Variants in PROSER2 observed in about 807,000 individuals in gnomAD.
PROSER2 encodes the protein proline and serine rich 2, also known as proline and serine-rich protein 2.
PROSER2 carries 18 observed loss-of-function variants against 14.6 expected under a neutral mutation model. That is an observed-to-expected ratio of 1.23 (90% CI 0.85 to 1.83). The LOEUF is 1.83. Ranked by LOEUF, PROSER2 falls within the 40% of genes most tolerant of loss-of-function variation. The pLI is 0.00. For synonymous variants in PROSER2, 367 were observed against 286.4 expected (o/e 1.28, Z -2.84); for missense variants, 823 against 629.8 (o/e 1.31, Z -3.28).
chr10:11,825,603 G>T lies in PROSER2; in HGVS notation c.-82+2133G>T, dbSNP rs111954495. 5.1e-4 allele frequency among the ~76,000 whole-genome samples: 77 copies of T among 152,324 alleles called. 3 individuals are homozygous for T. Among genetic ancestry groups the T allele is most frequent in the African/African-American group, 1.7e-3 (72 of 41,572 alleles). ...CCAGTGGCATCAACAGCCTCTGTCT[G>T]CGGAACTCACAGTGAAGGTGCCGCT... On this transcript the variant is annotated intron_variant, in intron 1 of 3. Transcript: ENST00000277570.
chr10:11,854,903 CT>C (rs546567112), intron 2 of PROSER2, among the ~76,000 whole-genome samples: 87 of 145,150 alleles, frequency 6.0e-4, no homozygotes, highest in Admixed American at 5.5e-4. Context: ...CTCATCAGGT[CT>C]TTTTTTTTTT....
In PROSER2 at chr10:11,838,167, A is replaced by G. The variant is rs1203265270; in HGVS notation, c.-81-13830A>G. On this transcript the variant is annotated intron_variant, in intron 1 of 3. Coordinates refer to ENST00000277570, the MANE Select transcript of PROSER2 (RefSeq NM_153256.4). This position sits in a 1 kb window ranked among gnomAD's most constrained non-coding sequence, Gnocchi z 4.4. ...AGTGAGGCGGGCGGGTGTCTATTTT[A>G]GAACAATCAGGTCATGCCCCCGACA... is the stretch of plus-strand genomic sequence containing the variant. 6.6e-6 allele frequency among the ~76,000 whole-genome samples: 1 copy of G among 152,072 alleles called. No individual in the cohort carries two copies. Among genetic ancestry groups the G allele is most frequent in the Non-Finnish European group, 1.5e-5 (1 of 68,004 alleles).
intron 1 of PROSER2, chr10:11,850,879 G>C (rs1364376324): frequency 6.6e-6 from 1 of 152,220 alleles, no homozygotes; most frequent in Non-Finnish European, 1.5e-5. Flanking sequence ...AGGCTTTGTT[G>C]AACTGTCTAA....
intron 1 of PROSER2, among the ~76,000 whole-genome samples, chr10:11,826,893 T>G: frequency 7.6e-6 from 1 of 130,930 alleles, no homozygotes; most frequent in Non-Finnish European, 1.7e-5. Flanking sequence ...TTTTTTTTTT[T>G]TTTTCCTCTG....
intron 1 of PROSER2, among the ~76,000 whole-genome samples, chr10:11,846,716 C>T (rs1388851621): frequency 1.3e-5 from 2 of 152,192 alleles, no homozygotes; most frequent in African/African-American, 4.8e-5. Flanking sequence ...GTCTGTCTAA[C>T]TGCCAGAGAG....
chr10:11,851,834 G>A, intron 1 of PROSER2, 163 bp from the exon 2 acceptor site: 1 of 353,316 alleles, frequency 2.8e-6, no homozygotes, highest in Non-Finnish European at 5.1e-6. Context: ...AGGAGACATG[G>A]CAGTCAGCAT....
intron 1 of PROSER2, 144 bp from the exon 2 acceptor site, chr10:11,851,853 T>C (rs7079574): frequency 0.99 from 378,175 of 383,926 alleles, 186,431 homozygotes; most frequent in East Asian, 1. Flanking sequence ...ATCCTCAAAC[T>C]GGTTGACTTA....
chr10:11,846,312 C>G (rs1379015529), intron 1 of PROSER2, among the ~76,000 whole-genome samples: 1 of 152,122 alleles, frequency 6.6e-6, no homozygotes, highest in Non-Finnish European at 1.5e-5. Context: ...GCCACATCAG[C>G]TCTCCTCCCC....
At chr10:11,827,288 C>T (rs1833628717) in intron 1 of PROSER2, among the ~76,000 whole-genome samples, 1 of 152,102 alleles carries the variant, frequency 6.6e-6, no homozygotes, top group African/African-American at 2.4e-5. Context: ...CGTTGCTGGA[C>T]ATCTCTTCAG....
chr10:11,832,216 T>G (rs903558955), intron 1 of PROSER2, among the ~76,000 whole-genome samples: 2 of 152,170 alleles, frequency 1.3e-5, no homozygotes, highest in Non-Finnish European at 2.9e-5. Context: ...AGAACAAAAC[T>G]GCCCACACTC....
rs1229271292 is a variant in PROSER2 at position 11,862,196 on chromosome 10, A to G, written c.139-4335A>G. On this transcript the variant is annotated intron_variant, in intron 2 of 3. Transcript: ENST00000277570. The surrounding 1 kb of genome is among the most constrained non-coding windows in gnomAD (Gnocchi z 4.2). ...TGGGTCAAGAAAAGATCGCAGAGAC[A>G]TCAGTTCTCTGCAATTTGAGAAACT... 2.0e-5 allele frequency among the ~76,000 whole-genome samples: 3 copies of G among 152,246 alleles called. No individual in the cohort carries two copies. The highest frequency in any genetic ancestry group is 7.2e-5 in the African/African-American group (3 of 41,458).
rs1342478879 is a variant in PROSER2, at chr10:11,837,986, A to G, written c.-81-14011A>G. On this transcript the variant is annotated intron_variant, in intron 1 of 3. Transcript: ENST00000277570. The surrounding 1 kb of genome is among the most constrained non-coding windows in gnomAD (Gnocchi z 4.6). ...GGTGGTGCCTGTCTTTTCTTCCCTC[A>G]TTAGATCATAACTTATCTGCCTGTA... 6.6e-6 allele frequency among the ~76,000 whole-genome samples: 1 copy of G among 151,366 alleles called. No homozygotes were observed. Among genetic ancestry groups the G allele is most frequent in the Admixed American group, 6.6e-5 (1 of 15,208 alleles).
chr10:11,848,665 A>C (rs1018005184), intron 1 of PROSER2, among the ~76,000 whole-genome samples: 6 of 152,154 alleles, frequency 3.9e-5, no homozygotes, highest in Non-Finnish European at 8.8e-5. Flanking sequence ...GGCAAAGTTC[A>C]GAAATCAAAG....
Position 11,866,441 on chromosome 10 carries a change from TG to T in PROSER2, c.139-88del. 1 of 1,523,936 alleles carries T rather than the reference TG, an allele frequency of 6.6e-7. No homozygotes were observed. 94.4% of individuals were successfully genotyped at this position (1,523,936 alleles called of 1,614,324 possible). ...ACACAGTGAGTTCCGCCCTGGGCTG[TG>T]GACCAATCCCAACTTTGCTTCAGCT... On this transcript the variant is annotated intron_variant, in intron 2 of 3. Coordinates refer to ENST00000277570, the MANE Select transcript of PROSER2 (RefSeq NM_153256.4). This position sits in a 1 kb window ranked among gnomAD's most constrained non-coding sequence, Gnocchi z 6.0.
At position 11,852,203 on chromosome 10, in the gene PROSER2, A is replaced by G. The variant is rs146261840; in HGVS notation, c.126A>G (p.Arg42=). ...LESRSSSSRS[R]SFTLDDESLK... ...GTCGAAGCAGCAGCTCTCGCTCCAG[A>G]AGCTTCACTTTGGTGAGTGACAGTT... Residue 42 remains arginine (R), a synonymous_variant, in exon 2 of 4, where the codon AGA becomes AGG. Transcript: ENST00000277570. 124 of 1,608,376 alleles carry G rather than the reference A, an allele frequency of 7.7e-5. No homozygotes were observed. The highest frequency in any genetic ancestry group is 1.0e-4 in the Non-Finnish European group (118 of 1,176,898).
rs534432346 is a variant in PROSER2, at chr10:11,869,872, C to T, written c.774C>T (p.Ile258=). Residue 258 remains isoleucine, a synonymous_variant, in exon 4 of 4, where the codon ATC becomes ATT. Coordinates refer to ENST00000277570, the MANE Select transcript of PROSER2 (RefSeq NM_153256.4). The surrounding 1 kb of genome is among the most constrained non-coding windows in gnomAD (Gnocchi z 4.4). ...CACCCCGCTTCCCCAGCAACATCAT[C>T]GTCACCAACGGCGCGGCCCGGGAGC... is the stretch of plus-strand genomic sequence containing the variant. ...PKAPRFPSNI[I]VTNGAAREPR... The T allele has an allele frequency of 3.8e-6, 6 of 1,594,468 alleles. No homozygotes were observed. The Admixed American group carries it at 1.0e-4, about 28-fold the overall frequency.
intron 2 of PROSER2, among the ~76,000 whole-genome samples, chr10:11,858,080 G>A (rs1482823419): frequency 1.3e-5 from 2 of 152,122 alleles, no homozygotes; most frequent in African/African-American, 4.8e-5. Flanking sequence ...GATTACAGGT[G>A]GGTGCTACCA....
intron 2 of PROSER2, among the ~76,000 whole-genome samples, chr10:11,858,439 G>A (rs1419668575): frequency 1.3e-5 from 2 of 152,296 alleles, no homozygotes; most frequent in East Asian, 3.9e-4. Flanking sequence ...CTTGAATGGG[G>A]CTTGGATAGA....
rs141287184 is a variant in PROSER2 at position 11,857,802 on chromosome 10, C to T, written c.138+5587C>T. Among the ~76,000 whole-genome samples the T allele has an allele frequency of 5.4e-3, 827 of 151,824 alleles. 24 individuals are homozygous for T. Among genetic ancestry groups the T allele is most frequent in the East Asian group, 0.03 (153 of 5,168 alleles). ...AAACCTTTGTCCCGAAACTGTGCCG[C>T]GCCCACTTCGGCAACCTCGGAAGAG... On this transcript the variant is annotated intron_variant, in intron 2 of 3. Coordinates refer to ENST00000277570, the MANE Select transcript of PROSER2 (RefSeq NM_153256.4).
Sources: gnomAD v4.1 joint callset for allele counts (sites outside exome capture counted in the v4.1 genomes callset) on GRCh38, gnomAD v4.1.1 for gene constraint, Gnocchi (gnomAD v3.1) non-coding constraint, MANE v1.5 for transcripts, NCBI Gene and HGNC (gene_info 2026-07-23, HGNC 2026-07-21) for gene names.